The following PRMT1 variants were observed in gnomAD, a reference collection of about 807,000 sequenced individuals.
PRMT1 encodes the protein protein arginine N-methyltransferase 1.
A neutral mutation model predicts 47.4 loss-of-function variants in PRMT1; 5 were observed. That is an observed-to-expected ratio of 0.11 (90% confidence interval 0.06 to 0.22). The LOEUF (loss-of-function observed/expected upper bound fraction) is 0.22. Among genes scored for constraint, PRMT1 ranks in the 10% least tolerant of loss-of-function variants. The pLI, the probability that PRMT1 is intolerant of heterozygous loss-of-function variation, is 1.00. For synonymous variants in PRMT1, 227 were observed against 204.6 expected, an observed-to-expected ratio of 1.11 and a Z score of -0.94; for missense variants, 249 against 518.4, an observed-to-expected ratio of 0.48 and a Z score of 5.05.
chr19:49,679,935 C>G lies in PRMT1; in HGVS notation c.90+10C>G, dbSNP rs1266356185. 1 of 1,609,048 alleles carries G rather than the reference C, an allele frequency of 6.2e-7. No homozygotes were observed. The highest frequency in any genetic ancestry group is 2.2e-5 in the East Asian group (1 of 44,830). ...GCCGCCTCTTGAAGAAGTAAATATC[C>G]TTTTGTGAGACCCCTCCCCACCCTG... On this transcript the variant is annotated intron_variant, in intron 2 of 10. Transcript: ENST00000454376.
intron 1 of PRMT1, among the ~76,000 whole-genome samples, chr19:49,678,977 G>A (rs113916745): frequency 6.6e-6 from 1 of 150,476 alleles, no homozygotes; most frequent in Non-Finnish European, 1.5e-5. Context: ...TCCGCCTCCC[G>A]GGTTCAAGCG....
In PRMT1 at chr19:49,680,062, A is replaced by C; in HGVS notation, c.90+137A>C. The C allele has an allele frequency of 8.9e-7, 1 of 1,120,554 alleles. No homozygotes were observed. The allele number at this position is 1,120,554 out of a possible 1,614,324, so 69.4% of individuals were successfully genotyped here. ...GTTTACCCCAGGCCCCCAGACACTT[A>C]GTAGCAACCCCTCCAGGTTCACAGC... On this transcript the variant is annotated intron_variant, in intron 2 of 10. Coordinates refer to ENST00000454376, the MANE Select transcript of PRMT1 (RefSeq NM_001536.6). This position sits in a 1 kb window ranked among gnomAD's most constrained non-coding sequence, Gnocchi z 4.2.
chr19:49,678,121 A>G (rs2082064474), intron 1 of PRMT1: 1 of 151,726 alleles, frequency 6.6e-6, no homozygotes, highest in South Asian at 2.1e-4. Context: ...CATCTTTTTC[A>G]TGGGGCGTGT....
chr19:49,680,133 C>T lies in PRMT1; in HGVS notation c.90+208C>T, dbSNP rs528296117. ...ATCGCCGCTACTTCCTTAACTCCAC[C>T]TCCAACCCCCCTTTGCCCTTCCCTG... is the stretch of plus-strand genomic sequence containing the variant. On this transcript the variant is annotated intron_variant, in intron 2 of 10. Transcript: ENST00000454376. This position sits in a 1 kb window ranked among gnomAD's most constrained non-coding sequence, Gnocchi z 4.2. 60 of 1,300,316 alleles carry T rather than the reference C, an allele frequency of 4.6e-5. No individual in the cohort carries two copies. In the South Asian group the frequency reaches 7.3e-4, roughly 16 times the overall value. 80.5% of individuals were successfully genotyped at this position (1,300,316 alleles called of 1,614,324 possible). A position where few individuals can be genotyped will look rare whatever the true frequency, so the allele number is the denominator to read the frequency against.
chr19:49,679,673 AC>A (rs1028522919), intron 1 of PRMT1, 198 bp from the exon 2 acceptor site: 6 of 480,922 alleles, frequency 1.2e-5, no homozygotes, highest in South Asian at 8.1e-5. Context: ...GGGATAGGAG[AC>A]CCCCCTTTCT....
rs2082196738 is a variant in PRMT1, at chr19:49,685,837, A to G, written c.760-256A>G. 3.8e-6 allele frequency: 5 copies of G among 1,324,556 alleles called. No individual in the cohort carries two copies. Among genetic ancestry groups the G allele is most frequent in the Non-Finnish European group, 4.8e-6 (5 of 1,035,458 alleles). 82.1% of individuals were successfully genotyped at this position (1,324,556 alleles called of 1,614,324 possible). On this transcript the variant is annotated intron_variant, in intron 8 of 10. Coordinates refer to ENST00000454376, the MANE Select transcript of PRMT1 (RefSeq NM_001536.6). This position sits in a 1 kb window ranked among gnomAD's most constrained non-coding sequence, Gnocchi z 4.7. ...CGCCTGCATTCTAGGAGGTCTGGAC[A>G]GAGTTAGGGTGGCACTGCCAGGTTT...
Position 49,680,549 on chromosome 19 carries a change from T to C in PRMT1, c.153T>C (p.Asp51=). The change falls in exon 3 of 11, where the codon GAT becomes GAC. Residue 51 remains aspartate, a synonymous_variant. Transcript: ENST00000454376. The surrounding 1 kb of genome is among the most constrained non-coding windows in gnomAD (Gnocchi z 4.2). ...ACGCTGAGGACATGACATCCAAAGA[T>C]TACTACTTTGACTCCTACGCACACT... is the stretch of plus-strand genomic sequence containing the variant. ...KPNAEDMTSK[D]YYFDSYAHFG... 1 of 1,613,984 alleles carries C rather than the reference T, an allele frequency of 6.2e-7. No homozygotes were observed. The highest frequency in any genetic ancestry group is 1.1e-5 in the South Asian group (1 of 91,074).
At chr19:49,677,219 C>T (rs572263324), upstream of PRMT1, 67 of 1,387,378 alleles carry the variant, frequency 4.8e-5, no homozygotes, top group African/African-American at 6.7e-4. Flanking sequence ...TAAGGCGGTC[C>T]CGGGGGAGTG....
chr19:49,687,267 G>T (rs1239575506), intron 10 of PRMT1, among the ~76,000 whole-genome samples: 1 of 152,128 alleles, frequency 6.6e-6, no homozygotes, highest in Non-Finnish European at 1.5e-5. Flanking sequence ...CGGGGGAGCT[G>T]GGGGGGCTTC....
In PRMT1 at chr19:49,685,388, C is replaced by T. The variant is rs1195266956; in HGVS notation, c.759+351C>T. Reference sequence around the variant, plus strand: ...AAGAGCACGGGGCCAGGCTGGGCTCCGAGATGTGCCTGAGGTCCCAGCTAC... The same window carrying T: ...AAGAGCACGGGGCCAGGCTGGGCTCTGAGATGTGCCTGAGGTCCCAGCTAC... On this transcript the variant is annotated intron_variant, in intron 8 of 10. Transcript: ENST00000454376. The surrounding 1 kb of genome is among the most constrained non-coding windows in gnomAD (Gnocchi z 4.7). 18 of 1,228,374 alleles carry T rather than the reference C, an allele frequency of 1.5e-5. No homozygotes were observed. The highest frequency in any genetic ancestry group is 1.1e-4 in the Admixed American group (3 of 26,914). 76.1% of individuals were successfully genotyped at this position (1,228,374 alleles called of 1,614,324 possible).
In PRMT1 at chr19:49,685,661, G is replaced by A. The variant is rs781165437; in HGVS notation, c.760-432G>A. 266 of 1,028,834 alleles carry A rather than the reference G, an allele frequency of 2.6e-4. No individual in the cohort carries two copies. Among genetic ancestry groups the A allele is most frequent in the Non-Finnish European group, 3.0e-4 (261 of 856,570 alleles). 63.7% of individuals were successfully genotyped at this position (1,028,834 alleles called of 1,614,324 possible). The stretch of plus-strand genomic sequence containing the variant: ...AGGAGTAAGTTGTTGAGTGGGGGAG[G>A]AGAGGAGACTACAGGGGCAGGGACC... On this transcript the variant is annotated intron_variant, in intron 8 of 10. Coordinates refer to ENST00000454376, the MANE Select transcript of PRMT1 (RefSeq NM_001536.6). This position sits in a 1 kb window ranked among gnomAD's most constrained non-coding sequence, Gnocchi z 4.7.
upstream of PRMT1, chr19:49,677,237 AG>A (rs552883563): frequency 4.4e-5 from 62 of 1,404,150 alleles, no homozygotes; most frequent in South Asian, 1.7e-4. Context: ...GTGAGGAGAA[AG>A]GGGGGGTCTT....
rs746072676 is a variant in PRMT1 at position 49,688,182 on chromosome 19, C to T, written c.1053C>T (p.Ile351=). 17 of 1,613,868 alleles carry T rather than the reference C, an allele frequency of 1.1e-5. No homozygotes were observed. In the African/African-American group the frequency reaches 1.5e-4, roughly 14 times the overall value. ...AKNNRDLDFT[I]DLDFKGQLCE... The stretch of plus-strand genomic sequence containing the variant: ...TGCAGCGGGACCTGGACTTCACCAT[C>T]GACCTGGACTTCAAGGGCCAGCTGT... The change falls in exon 11 of 11, where the codon ATC becomes ATT. Residue 351 remains isoleucine, a synonymous_variant. Transcript: ENST00000454376. The surrounding 1 kb of genome is among the most constrained non-coding windows in gnomAD (Gnocchi z 5.3).
Position 49,686,591 on chromosome 19 carries a change from G to A in PRMT1, c.911-14G>A, listed in dbSNP as rs373083320. The A allele has an allele frequency of 2.7e-5, 44 of 1,607,332 alleles. No individual in the cohort carries two copies. The highest frequency in any genetic ancestry group is 3.1e-5 in the Non-Finnish European group (37 of 1,177,706). ...GCAGCAGGCCGAGGCCGGCTGACCCGCCCGCGCCCCCAGGCCCCGAGTCCC... is the reference window on the plus strand; with the variant it reads ...GCAGCAGGCCGAGGCCGGCTGACCCACCCGCGCCCCCAGGCCCCGAGTCCC... On this transcript the variant is annotated splice_polypyrimidine_tract_variant and intron_variant, in intron 9 of 10. Transcript: ENST00000454376.
chr19:49,679,917 C>G lies in PRMT1; in HGVS notation c.82C>G (p.Leu28Val). 6.2e-7 allele frequency: 1 copy of G among 1,612,324 alleles called. No individual in the cohort carries two copies. Reference sequence around the variant, plus strand: ...TAATGGGATGAGCCTCCAGCCGCCTCTTGAAGAAGTAAATATCCTTTTGTG... The same window carrying G: ...TAATGGGATGAGCCTCCAGCCGCCTGTTGAAGAAGTAAATATCCTTTTGTG... ...LANGMSLQPP[L>V]EEVSCGQAES... is the part of the protein sequence containing the mutation. Residue 28 changes from leucine to valine, a missense_variant, in exon 2 of 11, where the codon CTT (leucine) becomes GTT (valine). Leu to Val is a conservative substitution (Grantham distance 32). Coordinates refer to ENST00000454376, the MANE Select transcript of PRMT1 (RefSeq NM_001536.6).
In PRMT1 at chr19:49,679,917, C is replaced by T; in HGVS notation, c.82C>T (p.Leu28Phe). 1 of 1,612,324 alleles carries T rather than the reference C, an allele frequency of 6.2e-7. No homozygotes were observed. The highest frequency in any genetic ancestry group is 1.1e-5 in the South Asian group (1 of 90,858). Reference protein sequence around the residue: ...LANGMSLQPPLEEVSCGQAES... With the variant: ...LANGMSLQPPFEEVSCGQAES... ...TAATGGGATGAGCCTCCAGCCGCCT[C>T]TTGAAGAAGTAAATATCCTTTTGTG... Residue 28 changes from leucine (L) to phenylalanine (F), a missense_variant, in exon 2 of 11, where the codon CTT becomes TTT. Around this residue, in one of 2 missense-constraint regions of PRMT1, gnomAD observed 59 missense variants for 61.7 expected, o/e 0.96. Transcript: ENST00000454376.
Position 49,688,177 on chromosome 19 carries a change from A to T in PRMT1, c.1048A>T (p.Thr350Ser), listed in dbSNP as rs779149665. The T allele has an allele frequency of 6.2e-7, 1 of 1,613,680 alleles. No homozygotes were observed. The highest frequency in any genetic ancestry group is 8.5e-7 in the Non-Finnish European group (1 of 1,179,866). ...NAKNNRDLDF[T>S]IDLDFKGQLC... ...CTCCCTGCAGCGGGACCTGGACTTC[A>T]CCATCGACCTGGACTTCAAGGGCCA... Residue 350 changes from threonine (T) to serine (S), a missense_variant, in exon 11 of 11, where the codon ACC becomes TCC. Thr to Ser is a moderately conservative substitution (Grantham distance 58). Coordinates refer to ENST00000454376, the MANE Select transcript of PRMT1 (RefSeq NM_001536.6). The surrounding 1 kb of genome is among the most constrained non-coding windows in gnomAD (Gnocchi z 5.3).
In PRMT1 at chr19:49,681,849, G is replaced by T; in HGVS notation, c.193-61G>T. The T allele has an allele frequency of 6.4e-7, 1 of 1,560,646 alleles. No homozygotes were observed. Among genetic ancestry groups the T allele is most frequent in the Non-Finnish European group, 8.7e-7 (1 of 1,147,084 alleles). On this transcript the variant is annotated intron_variant, in intron 3 of 10. Transcript: ENST00000454376. The surrounding 1 kb of genome is among the most constrained non-coding windows in gnomAD (Gnocchi z 4.4). Reference sequence around the variant, plus strand: ...CTGGCCCTCCGAGCTCTCAGGACACGCTGTTCTCCAGCTGGGGATATGGGG... The same window carrying T: ...CTGGCCCTCCGAGCTCTCAGGACACTCTGTTCTCCAGCTGGGGATATGGGG...
chr19:49,679,208 C>T (rs974193599), intron 1 of PRMT1, among the ~76,000 whole-genome samples: 8 of 152,164 alleles, frequency 5.3e-5, no homozygotes, highest in African/African-American at 1.4e-4. Context: ...TCCTCTCATT[C>T]TTAGAGGGTC....
Sources: gnomAD v4.1 joint callset for allele counts (sites outside exome capture counted in the v4.1 genomes callset) on GRCh38, gnomAD v4.1.1 for gene constraint, gnomAD v4.1.1 regional missense constraint, Gnocchi (gnomAD v3.1) non-coding constraint, MANE v1.5 for transcripts, NCBI Gene and HGNC (gene_info 2026-07-23, HGNC 2026-07-21) for gene names.